The following CDIP1 variants were observed in gnomAD, a reference collection of about 807,000 sequenced individuals.
CDIP1 encodes the protein cell death inducing p53 target 1, also known as cell death-inducing p53-target protein 1.
Under a neutral mutation model 17.7 loss-of-function variants are expected in CDIP1, and 9 were observed. The observed-to-expected ratio is 0.51, with a 90% CI of 0.31 to 0.89. CDIP1 has a LOEUF of 0.89. CDIP1 is among the 40% of genes least tolerant of loss of function. The pLI is 0.05. For missense variants in CDIP1, 263 were observed against 277.9 expected, an observed-to-expected ratio of 0.95 and a Z score of 0.38; for synonymous variants, 117 against 109.5, an observed-to-expected ratio of 1.07 and a Z score of -0.43.
intron 1 of CDIP1, among the ~76,000 whole-genome samples, chr16:4,534,428 G>C (rs2059084958): frequency 1.3e-5 from 2 of 152,342 alleles, no homozygotes; most frequent in South Asian, 2.1e-4. Flanking sequence ...TCACAATGGG[G>C]CTGGGAGAGC....
At chr16:4,535,139 C>G (rs1222190008) in intron 1 of CDIP1, among the ~76,000 whole-genome samples, 2 of 152,210 alleles carry the variant, frequency 1.3e-5, no homozygotes, top group South Asian at 2.1e-4. Flanking sequence ...TTCCACCTTT[C>G]TTGGCCTCTT....
At chr16:4,520,962 C>T (rs909219707) in intron 1 of CDIP1, among the ~76,000 whole-genome samples, 3 of 152,194 alleles carry the variant, frequency 2.0e-5, no homozygotes, top group East Asian at 3.9e-4. Context: ...CTCACGACAG[C>T]ATCAAACTCC....
chr16:4,524,657 GGGATGGA>G (rs1290356928), intron 1 of CDIP1, among the ~76,000 whole-genome samples: 1 of 152,204 alleles, frequency 6.6e-6, no homozygotes, highest in Non-Finnish European at 1.5e-5. Context: ...TGAGGGCCTT[GGGATGGA>G]GGCCAGTGCC....
chr16:4,512,300 A>G lies in CDIP1; in HGVS notation c.*272T>C. 1.9e-6 allele frequency: 1 copy of G among 540,258 alleles called. No individual in the cohort carries two copies. Among genetic ancestry groups the G allele is most frequent in the Non-Finnish European group, 3.4e-6 (1 of 298,030 alleles). The allele number at this position is 540,258 out of a possible 1,614,324, so 33.5% of individuals were successfully genotyped here. A position where few individuals can be genotyped will look rare whatever the true frequency, so the allele number is the denominator to read the frequency against. On this transcript the variant is annotated 3_prime_UTR_variant, in exon 6 of 6. Transcript: ENST00000567695. This position sits in a 1 kb window ranked among gnomAD's most constrained non-coding sequence, Gnocchi z 4.6. ...CCCAGCAGGAGACCCCTCCCAGCTT[A>G]TCTTCCCGATCACACACACCAAGCA...
At chr16:4,526,840 G>C (rs1366675071) in intron 1 of CDIP1, among the ~76,000 whole-genome samples, 3 of 152,166 alleles carry the variant, frequency 2.0e-5, no homozygotes, top group African/African-American at 7.2e-5. Flanking sequence ...CTGTGTCGCA[G>C]GCAGAGCTGC....
At chr16:4,522,614 C>A (rs971507786) in intron 1 of CDIP1, 1 of 152,218 alleles carries the variant, frequency 6.6e-6, no homozygotes, top group Non-Finnish European at 1.5e-5. Context: ...GGGGCAGAGC[C>A]GAGGTAAAAG....
chr16:4,533,274 T>A (rs1402225671), intron 1 of CDIP1: 6 of 152,274 alleles, frequency 3.9e-5, no homozygotes, highest in Non-Finnish European at 7.3e-5. Flanking sequence ...GAGTCACTCA[T>A]AACATGCAGA....
intron 1 of CDIP1, among the ~76,000 whole-genome samples, chr16:4,530,602 T>C (rs1013455520): frequency 5.9e-5 from 9 of 151,564 alleles, no homozygotes; most frequent in African/African-American, 2.2e-4. Flanking sequence ...TGAGCCGAGA[T>C]TGCGCCAGTA....
chr16:4,519,187 T>C (rs1350285906), intron 1 of CDIP1, among the ~76,000 whole-genome samples: 1 of 152,208 alleles, frequency 6.6e-6, no homozygotes, highest in Non-Finnish European at 1.5e-5. Flanking sequence ...TTCTGTGGCA[T>C]GTGAAGGTGT....
chr16:4,527,278 G>A (rs900472133), intron 1 of CDIP1, among the ~76,000 whole-genome samples: 5 of 151,910 alleles, frequency 3.3e-5, no homozygotes, highest in South Asian at 2.1e-4. Flanking sequence ...TAGTAGAGAC[G>A]GGGTTTCACC....
Position 4,514,473 on chromosome 16 carries a change from C to A in CDIP1, c.-15+102G>T. On this transcript the variant is annotated intron_variant, in intron 2 of 5. Transcript: ENST00000567695. The surrounding 1 kb of genome is among the most constrained non-coding windows in gnomAD (Gnocchi z 5.2). ...AGAGCAGTTTGGCACCGAGCTCTCC[C>A]CTCCCCAAACGTTTAGCGGGCACTA... is the stretch of plus-strand genomic sequence containing the variant. The A allele has an allele frequency of 6.8e-6, 2 of 292,436 alleles. No individual in the cohort carries two copies. The highest frequency in any genetic ancestry group is 6.4e-5 in the East Asian group (1 of 15,606). The allele number at this position is 292,436 out of a possible 1,614,324, so 18.1% of individuals were successfully genotyped here.
At chr16:4,520,114 T>A (rs2058929960) in intron 1 of CDIP1, among the ~76,000 whole-genome samples, 1 of 147,512 alleles carries the variant, frequency 6.8e-6, no homozygotes, top group African/African-American at 2.6e-5. Context: ...TGACAAGTGG[T>A]AGGTTTTTTT....
At chr16:4,534,918 A>G (rs1027627271) in intron 1 of CDIP1, among the ~76,000 whole-genome samples, 1 of 151,642 alleles carries the variant, frequency 6.6e-6, no homozygotes, top group African/African-American at 2.4e-5. Context: ...GGGTTTCTCC[A>G]TGTTGGTCAG....
intron 1 of CDIP1, among the ~76,000 whole-genome samples, chr16:4,521,806 C>T (rs372214792): frequency 6.6e-6 from 1 of 151,742 alleles, no homozygotes; most frequent in Non-Finnish European, 1.5e-5. Flanking sequence ...AGCTGAGCCT[C>T]GGTTTCTTCC....
intron 1 of CDIP1, 128 bp downstream of exon 1, chr16:4,538,574 G>C (rs909072241): frequency 1.3e-5 from 2 of 152,474 alleles, no homozygotes; most frequent in Admixed American, 6.5e-5. Flanking sequence ...CGCCGCGGGC[G>C]GGGGCGGGGA....
chr16:4,530,159 G>C lies in CDIP1; in HGVS notation c.-105+8543C>G, dbSNP rs543314340. ...AATTATTTTGAAGACATTTCTGATG[G>C]GTGAAGAAAGCGCTCTAGGAACTGA... On this transcript the variant is annotated intron_variant, in intron 1 of 5. Transcript: ENST00000567695. Among the ~76,000 whole-genome samples the C allele has an allele frequency of 9.2e-5, 14 of 152,258 alleles. 2 individuals carry two copies. In the Middle Eastern group the frequency reaches 0.027, roughly 296 times the overall value.
At chr16:4,535,211 T>C (rs912691979) in intron 1 of CDIP1, among the ~76,000 whole-genome samples, 3 of 152,168 alleles carry the variant, frequency 2.0e-5, no homozygotes, top group Admixed American at 6.5e-5. Context: ...TTAATTAGCA[T>C]TGATTGAACA....
rs1278057895 is a variant in CDIP1 at position 4,510,711 on chromosome 16, T to G, written c.*1861A>C. 1 of 152,294 alleles carries G rather than the reference T, an allele frequency of 6.6e-6. No individual in the cohort carries two copies. The highest frequency in any genetic ancestry group is 1.9e-4 in the East Asian group (1 of 5,192). The allele number at this position is 152,294 out of a possible 1,614,324, so 9.4% of individuals were successfully genotyped here. ...CATTCTCTAAAAGAGAAACATGAAC[T>G]TAAATAATTTTATTAATAGGAATCT... is the stretch of plus-strand genomic sequence containing the variant. On this transcript the variant is annotated 3_prime_UTR_variant, in exon 6 of 6. Coordinates refer to ENST00000567695, the MANE Select transcript of CDIP1 (RefSeq NM_013399.3).
intron 1 of CDIP1, among the ~76,000 whole-genome samples, chr16:4,537,919 G>A (rs570527254): frequency 6.6e-6 from 1 of 152,210 alleles, no homozygotes; most frequent in South Asian, 2.1e-4. Context: ...ATGCGCGGCC[G>A]AGCGCCACAT....
Sources: allele counts gnomAD v4.1 joint callset (sites outside exome capture counted in the v4.1 genomes callset), GRCh38; gene constraint gnomAD v4.1.1; non-coding constraint Gnocchi (gnomAD v3.1); transcripts MANE v1.5; gene names NCBI Gene and HGNC (gene_info 2026-07-23, HGNC 2026-07-21).